The following RPH3AL variants were observed in gnomAD, a reference collection of about 807,000 sequenced individuals.
RPH3AL encodes the protein rabphilin 3A like (without C2 domains), also known as rab effector Noc2.
A neutral mutation model predicts 43.1 loss-of-function variants in RPH3AL; 38 were observed. That is an observed-to-expected ratio of 0.88 (90% CI 0.68 to 1.15). RPH3AL has a LOEUF of 1.15. RPH3AL is among the 50% of genes most tolerant of loss of function. RPH3AL has a pLI of 0.00. For synonymous variants in RPH3AL, 189 were observed against 176.3 expected, an observed-to-expected ratio of 1.07 and a Z score of -0.57; for missense variants, 462 against 423.2, an observed-to-expected ratio of 1.09 and a Z score of -0.81.
chr17:263,445 G>A (rs1203914615), intron 6 of RPH3AL, among the ~76,000 whole-genome samples: 2 of 152,214 alleles, frequency 1.3e-5, no homozygotes, highest in African/African-American at 4.8e-5. Flanking sequence ...TCCAGCACGT[G>A]GACGAACAGG....
At chr17:325,295 T>A (rs557621921) in intron 3 of RPH3AL, among the ~76,000 whole-genome samples, 1 of 152,270 alleles carries the variant, frequency 6.6e-6, no homozygotes, top group South Asian at 2.1e-4. Flanking sequence ...GGCTGACACA[T>A]TATTACGAGA....
At chr17:311,494 G>A (rs756442770) in intron 5 of RPH3AL, among the ~76,000 whole-genome samples, 7 of 152,172 alleles carry the variant, frequency 4.6e-5, no homozygotes, top group Non-Finnish European at 8.8e-5. Flanking sequence ...TCTGAGTCCT[G>A]GGAACCCCAG....
At chr17:242,351 C>T (rs71372185) in intron 7 of RPH3AL, among the ~76,000 whole-genome samples, 1,155 of 34,252 alleles carry the variant, frequency 0.034, 8 homozygotes, top group East Asian at 0.12. Context: ...CCTCTATTGA[C>T]TACCTTCCTC....
intron 6 of RPH3AL, among the ~76,000 whole-genome samples, chr17:266,839 AG>A (rs1354007298): frequency 6.6e-6 from 1 of 152,224 alleles, no homozygotes; most frequent in Non-Finnish European, 1.5e-5. Context: ...GGCTCCTGTG[AG>A]GCTTCTACAC....
chr17:274,078 G>A lies in RPH3AL; in HGVS notation c.438+7690C>T, dbSNP rs946547456. Among the ~76,000 whole-genome samples the A allele has an allele frequency of 9.2e-5, 14 of 152,284 alleles. No homozygotes were observed. The highest frequency in any genetic ancestry group is 6.2e-4 in the South Asian group (3 of 4,830). On this transcript the variant is annotated intron_variant, in intron 6 of 9. Transcript: ENST00000331302. The surrounding 1 kb of genome is among the most constrained non-coding windows in gnomAD (Gnocchi z 4.7). ...CATCACTTTGAGTGAGTCATTCTTC[G>A]TTTTCGTTTAGTGGATAGGGATTCG...
At position 299,419 on chromosome 17, in the gene RPH3AL, C is replaced by T. The variant is rs149747918; in HGVS notation, c.352-17565G>A. Among the ~76,000 whole-genome samples the T allele has an allele frequency of 5.4e-4, 80 of 147,596 alleles. 2 individuals carry two copies. The highest frequency in any genetic ancestry group is 1.8e-3 in the African/African-American group (75 of 40,652). Reference sequence around the variant, plus strand: ...GTCTGGAAGGAGAGGGCTAAAGGGGCCTCTGGTGAGGGCCTGATTCTCAGT... The same window carrying T: ...GTCTGGAAGGAGAGGGCTAAAGGGGTCTCTGGTGAGGGCCTGATTCTCAGT... On this transcript the variant is annotated intron_variant, in intron 5 of 9. Coordinates refer to ENST00000331302, the MANE Select transcript of RPH3AL (RefSeq NM_006987.4).
chr17:281,947 T>C (rs530663271), intron 5 of RPH3AL, 93 bp from the exon 6 acceptor site: 1 of 913,806 alleles, frequency 1.1e-6, no homozygotes, highest in African/African-American at 1.6e-5. Flanking sequence ...ACACTTAGCA[T>C]CTTCCAAGGA....
At chr17:324,535 G>T (rs559719265) in intron 3 of RPH3AL, among the ~76,000 whole-genome samples, 4 of 152,130 alleles carry the variant, frequency 2.6e-5, no homozygotes, top group Non-Finnish European at 5.9e-5. Context: ...CGGCGCCCTC[G>T]TCTCTCAGCT....
intron 7 of RPH3AL, among the ~76,000 whole-genome samples, chr17:223,155 A>G (rs1320783837): frequency 6.6e-6 from 1 of 150,470 alleles, no homozygotes; most frequent in Non-Finnish European, 1.5e-5. Flanking sequence ...GCGCCACTGC[A>G]CTCTAGCCTG....
intron 6 of RPH3AL, among the ~76,000 whole-genome samples, chr17:277,562 A>G (rs1261176208): frequency 6.6e-6 from 1 of 152,248 alleles, no homozygotes; most frequent in Non-Finnish European, 1.5e-5. Flanking sequence ...GTTTATCCTC[A>G]GCACAGCAGA....
At chr17:266,700 G>A (rs1358083064) in intron 6 of RPH3AL, among the ~76,000 whole-genome samples, 2 of 152,238 alleles carry the variant, frequency 1.3e-5, no homozygotes, top group Non-Finnish European at 2.9e-5. Flanking sequence ...ACAGTAGAAA[G>A]GAAAAACGGC....
chr17:296,948 T>C (rs2043196903), intron 5 of RPH3AL, among the ~76,000 whole-genome samples: 1 of 152,142 alleles, frequency 6.6e-6, no homozygotes, highest in African/African-American at 2.4e-5. Flanking sequence ...AGGCTGGGTC[T>C]CGTGGGGCAT....
intron 9 of RPH3AL, 121 bp from the exon 10 acceptor site, chr17:214,044 A>G: frequency 2.8e-6 from 2 of 726,838 alleles, no homozygotes; most frequent in Admixed American, 5.2e-5. Context: ...GCTTCTGCTG[A>G]CAGCATCCGT....
intron 5 of RPH3AL, among the ~76,000 whole-genome samples, chr17:293,778 CA>C (rs2043103121): frequency 6.6e-6 from 1 of 151,928 alleles, no homozygotes; most frequent in African/African-American, 2.4e-5. Context: ...CCTGTAATCC[CA>C]GCAATTTGGG....
In RPH3AL at chr17:225,865, C is replaced by T. The variant is rs961845218; in HGVS notation, c.614-6129G>A. On this transcript the variant is annotated intron_variant, in intron 7 of 9. Transcript: ENST00000331302. This position sits in a 1 kb window ranked among gnomAD's most constrained non-coding sequence, Gnocchi z 4.4. ...AGATGTCAAAGGACTCAGAAGGAGA[C>T]GATGGGATGGGATGTCCCAGGACTG... Among the ~76,000 whole-genome samples, 3 of 152,332 alleles carry T rather than the reference C, an allele frequency of 2.0e-5. No individual in the cohort carries two copies. The highest frequency in any genetic ancestry group is 6.5e-5 in the Admixed American group (1 of 15,298).
At chr17:311,277 A>G (rs1230709558) in intron 5 of RPH3AL, among the ~76,000 whole-genome samples, 1 of 152,034 alleles carries the variant, frequency 6.6e-6, no homozygotes, top group African/African-American at 2.4e-5. Flanking sequence ...CTGCCATTGC[A>G]TCCTGTGTTC....
chr17:223,103 T>A (rs1414367783), intron 7 of RPH3AL, among the ~76,000 whole-genome samples: 3 of 151,302 alleles, frequency 2.0e-5, no homozygotes, highest in Non-Finnish European at 4.4e-5. Flanking sequence ...GGCAGGAGAA[T>A]CACTTGAACC....
intron 8 of RPH3AL, among the ~76,000 whole-genome samples, chr17:217,309 A>G (rs866850283): frequency 3.6e-3 from 382 of 104,672 alleles, no homozygotes; most frequent in African/African-American, 0.011. Context: ...AAGGCATTTC[A>G]TTCCCATCTG....
In RPH3AL at chr17:212,699, A is replaced by T. The variant is rs1053933307; in HGVS notation, c.*1153T>A. The T allele has an allele frequency of 2.0e-5, 2 of 101,850 alleles. No individual in the cohort carries two copies. The highest frequency in any genetic ancestry group is 1.8e-4 in the Admixed American group (2 of 11,186). 6.3% of individuals were successfully genotyped at this position (101,850 alleles called of 1,614,324 possible). The stretch of plus-strand genomic sequence containing the variant: ...GAAGGATGGGAGGGTGTGATCACCG[A>T]CACACACACACACGTTCTCTCTCTT... On this transcript the variant is annotated 3_prime_UTR_variant, in exon 10 of 10. Transcript: ENST00000331302.
Sources: allele counts gnomAD v4.1 joint callset (sites outside exome capture counted in the v4.1 genomes callset), GRCh38; gene constraint gnomAD v4.1.1; non-coding constraint Gnocchi (gnomAD v3.1); transcripts MANE v1.5; gene names NCBI Gene and HGNC (gene_info 2026-07-23, HGNC 2026-07-21).